The following ARHGAP27 variants were observed in gnomAD, a reference collection of about 807,000 sequenced individuals.
ARHGAP27 encodes the protein rho GTPase-activating protein 27.
Under a neutral mutation model 102.0 loss-of-function variants are expected in ARHGAP27, and 53 were observed. The ratio of observed to expected loss-of-function variants is 0.52; its 90% confidence interval spans 0.42 to 0.65. The LOEUF (loss-of-function observed/expected upper bound fraction) is 0.65, where lower values mean the gene tolerates loss of function less well. ARHGAP27 is among the 30% of genes least tolerant of loss of function. The probability of loss-of-function intolerance (pLI) is 0.00; values close to 1 mark genes in which losing one functional copy is unlikely to be tolerated. For synonymous variants in ARHGAP27, 525 were observed against 542.8 expected, an observed-to-expected ratio of 0.97 and a Z score of 0.46; for missense variants, 1,117 against 1,256.2, an observed-to-expected ratio of 0.89 and a Z score of 1.68.
intron 2 of ARHGAP27, among the ~76,000 whole-genome samples, chr17:45,431,976 C>G (rs1201163592): frequency 6.6e-6 from 1 of 151,914 alleles, no homozygotes; most frequent in African/African-American, 2.4e-5. Flanking sequence ...AGGATGGGAC[C>G]GCCCCCGCTC....
At chr17:45,423,754 T>C (rs1382985621) in intron 4 of ARHGAP27, among the ~76,000 whole-genome samples, 2 of 152,158 alleles carry the variant, frequency 1.3e-5, no homozygotes, top group African/African-American at 4.8e-5. Flanking sequence ...ATTCACTGAC[T>C]AGGTGAATAT....
intron 4 of ARHGAP27, 139 bp downstream of exon 4, chr17:45,429,484 G>T: frequency 6.7e-7 from 1 of 1,496,268 alleles, no homozygotes; most frequent in South Asian, 1.3e-5. Context: ...TGGGGAGAGG[G>T]AGCTCATCCG....
chr17:45,429,455 AC>A, intron 4 of ARHGAP27, 167 bp downstream of exon 4: 1 of 1,458,576 alleles, frequency 6.9e-7, no homozygotes, highest in Admixed American at 2.6e-5. Context: ...GCGGGCGTGC[AC>A]CCCTCACGTT....
rs990511751 is a variant in ARHGAP27 at position 45,429,817 on chromosome 17, G to C, written c.463C>G (p.Gln155Glu). 4.8e-5 allele frequency: 70 copies of C among 1,446,052 alleles called. 1 individual carries two copies. In the East Asian group the frequency reaches 1.9e-3, roughly 39 times the overall value. The allele number at this position is 1,446,052 out of a possible 1,614,324, so 89.6% of individuals were successfully genotyped here. ...LRPAAPVRPA[Q>E]SLNDLACAAV... Reference sequence around the variant, plus strand: ...GCGCAGGCCAGGTCGTTCAGGGACTGCGCGGGCCGCACGGGCGCCGCGGGC... The same window carrying C: ...GCGCAGGCCAGGTCGTTCAGGGACTCCGCGGGCCGCACGGGCGCCGCGGGC... The change falls in exon 4 of 20, where the codon CAG becomes GAG. Residue 155 changes from glutamine to glutamate, a missense_variant. Physicochemically the swap from Gln to Glu is conservative, Grantham distance 29. This residue lies in a region of ARHGAP27 where 610 missense variants were observed against 716.4 expected (regional missense o/e 0.85). Transcript: ENST00000685559.
chr17:45,412,962 C>CTTTT lies in ARHGAP27; in HGVS notation c.658-6883_658-6880dup, dbSNP rs36233058. ...GTGTGGCACCACGGCTCAGTATAAT[C>CTTTT]TTTTTTTTTTTTTTTTTTTTTTTTT... On this transcript the variant is annotated intron_variant, in intron 4 of 19. Transcript: ENST00000685559. 1.2e-4 allele frequency among the ~76,000 whole-genome samples: 5 copies of CTTTT among 41,142 alleles called. 2 individuals carry two copies. Among genetic ancestry groups the CTTTT allele is most frequent in the East Asian group, 2.9e-3 (2 of 700 alleles). The allele number at this position is 41,142 out of a possible 152,430, so 27.0% of individuals were successfully genotyped here.
rs1324820057 is a variant in ARHGAP27, at chr17:45,430,985, C to T, written c.-19+636G>A. On this transcript the variant is annotated intron_variant, in intron 3 of 19. Transcript: ENST00000685559. This position sits in a 1 kb window ranked among gnomAD's most constrained non-coding sequence, Gnocchi z 4.4. ...CTCTTTCCTTCCCCAGCTGCATCAC[C>T]GCAGACGTGAGCCCGAGCCCGGCCC... Among the ~76,000 whole-genome samples, 1 of 152,118 alleles carries T rather than the reference C, an allele frequency of 6.6e-6. No homozygotes were observed. The highest frequency in any genetic ancestry group is 1.5e-5 in the Non-Finnish European group (1 of 68,008).
At chr17:45,397,050 C>G in intron 13 of ARHGAP27, 26 bp from the exon 14 acceptor site, 1 of 1,599,466 alleles carries the variant, frequency 6.3e-7, no homozygotes, top group Non-Finnish European at 8.5e-7. Context: ...CTCAGAGAGG[C>G]GGGGCCTTGA....
chr17:45,411,298 G>T (rs996809215), intron 4 of ARHGAP27, among the ~76,000 whole-genome samples: 7 of 151,840 alleles, frequency 4.6e-5, no homozygotes, highest in African/African-American at 1.7e-4. Flanking sequence ...TCCCTTAGAA[G>T]TGCTTCCTCC....
At chr17:45,424,008 G>T (rs2049297802) in intron 4 of ARHGAP27, among the ~76,000 whole-genome samples, 1 of 152,228 alleles carries the variant, frequency 6.6e-6, no homozygotes, top group South Asian at 2.1e-4. Context: ...GGGAGGCTGG[G>T]ATGATTCTGC....
chr17:45,396,772 G>A lies in ARHGAP27; in HGVS notation c.1970C>T (p.Pro657Leu). 1.2e-6 allele frequency: 2 copies of A among 1,612,738 alleles called. No individual in the cohort carries two copies. The highest frequency in any genetic ancestry group is 8.5e-7 in the Non-Finnish European group (1 of 1,179,298). ...GCTCAAGTCGCTCTCCAGGCCCACGGGGCCCAGGGCGGGCGCGGCTGCCGC... is the reference window on the plus strand; with the variant it reads ...GCTCAAGTCGCTCTCCAGGCCCACGAGGCCCAGGGCGGGCGCGGCTGCCGC... ...RPNAAAPALG[P>L]VGLESDLSKV... Residue 657 changes from proline to leucine, a missense_variant, in exon 15 of 20, where the codon CCC (proline) becomes CTC (leucine). Transcript: ENST00000685559.
At position 45,422,250 on chromosome 17, in the gene ARHGAP27, C is replaced by CAA. The variant is rs35947196; in HGVS notation, c.657+7371_657+7372dup. Among the ~76,000 whole-genome samples, 430 of 141,942 alleles carry CAA rather than the reference C, an allele frequency of 3.0e-3. 1 individual carries two copies. The highest frequency in any genetic ancestry group is 9.9e-3 in the African/African-American group (381 of 38,530). The allele number at this position is 141,942 out of a possible 152,430, so 93.1% of individuals were successfully genotyped here. ...GAAACCCCATCACTACAAAAAATACCAAAAAAAAAAAAAATTAGCTGGGCA... is the reference window on the plus strand; with the variant it reads ...GAAACCCCATCACTACAAAAAATACCAAAAAAAAAAAAAAAATTAGCTGGGCA... On this transcript the variant is annotated intron_variant, in intron 4 of 19. Transcript: ENST00000685559.
intron 4 of ARHGAP27, chr17:45,429,232 T>C (rs1177685986): frequency 2.4e-5 from 11 of 458,680 alleles, no homozygotes; most frequent in Non-Finnish European, 3.8e-5. Context: ...CTGCAGTAGG[T>C]TATATAACCT....
intron 4 of ARHGAP27, among the ~76,000 whole-genome samples, chr17:45,426,840 G>A (rs1312573891): frequency 1.3e-5 from 2 of 152,092 alleles, no homozygotes. Flanking sequence ...GCAGCCCCCT[G>A]ACCAGCTGAG....
intron 15 of ARHGAP27, 35 bp downstream of exon 15, chr17:45,396,633 G>T (rs747516255): frequency 6.2e-7 from 1 of 1,612,284 alleles, no homozygotes; most frequent in South Asian, 1.1e-5. Context: ...CCCCGTCCCG[G>T]TCCCGGGTCC....
chr17:45,410,452 C>G, intron 4 of ARHGAP27: 4 of 1,254,888 alleles, frequency 3.2e-6, no homozygotes, highest in East Asian at 3.6e-5. Flanking sequence ...TGCGGAAGTG[C>G]TGCCTGAGTT....
chr17:45,430,934 T>A lies in ARHGAP27; in HGVS notation c.-18-637A>T, dbSNP rs1046272156. ...TTGCTGTAGAGGCCTCCGCTGCCAATGCAGGGGAACCGGTTCTCTCGGTTT... is the reference window on the plus strand; with the variant it reads ...TTGCTGTAGAGGCCTCCGCTGCCAAAGCAGGGGAACCGGTTCTCTCGGTTT... On this transcript the variant is annotated intron_variant, in intron 3 of 19. Coordinates refer to ENST00000685559, the MANE Select transcript of ARHGAP27 (RefSeq NM_001282290.2). The surrounding 1 kb of genome is among the most constrained non-coding windows in gnomAD (Gnocchi z 4.4). Among the ~76,000 whole-genome samples the A allele has an allele frequency of 5.9e-5, 9 of 152,002 alleles. No individual in the cohort carries two copies. The highest frequency in any genetic ancestry group is 1.2e-4 in the African/African-American group (5 of 41,382).
chr17:45,421,205 G>A (rs554682335), intron 4 of ARHGAP27, among the ~76,000 whole-genome samples: 81 of 146,964 alleles, frequency 5.5e-4, no homozygotes, highest in African/African-American at 1.8e-3. Context: ...CAGTCCGGGC[G>A]CAGTGGCTCA....
chr17:45,413,171 G>A (rs2144747030), intron 4 of ARHGAP27, among the ~76,000 whole-genome samples: 1 of 151,268 alleles, frequency 6.6e-6, no homozygotes, highest in Admixed American at 6.6e-5. Context: ...GTAGAGATGG[G>A]GTTTCATCGT....
chr17:45,415,693 C>T (rs1348812391), intron 4 of ARHGAP27, among the ~76,000 whole-genome samples: 1 of 152,214 alleles, frequency 6.6e-6, no homozygotes, highest in Non-Finnish European at 1.5e-5. Context: ...CCTTGCAGAC[C>T]TGCCTACCAG....
Sources: allele counts gnomAD v4.1 joint callset (sites outside exome capture counted in the v4.1 genomes callset), GRCh38; gene constraint gnomAD v4.1.1; regional missense constraint gnomAD v4.1.1; non-coding constraint Gnocchi (gnomAD v3.1); transcripts MANE v1.5; gene names NCBI Gene and HGNC (gene_info 2026-07-23, HGNC 2026-07-21).